The following CADPS variants were observed in gnomAD, a reference collection of about 807,000 sequenced individuals.
CADPS encodes calcium-dependent secretion activator 1.
In CADPS, 57 loss-of-function variants were observed where a neutral mutation model predicts 167.3. That is an observed-to-expected ratio of 0.34 (90% CI 0.28 to 0.42). The LOEUF is 0.42. Ranked by LOEUF, CADPS falls within the 20% of genes least tolerant of loss-of-function variation. CADPS has a pLI of 1.00. For missense variants in CADPS, 1,414 were observed against 1,738.1 expected, an observed-to-expected ratio of 0.81 and a Z score of 3.32; for synonymous variants, 676 against 635.3, an observed-to-expected ratio of 1.06 and a Z score of -0.96.
At position 62,446,369 on chromosome 3, in the gene CADPS, T is replaced by C. The variant is rs902727335; in HGVS notation, c.3637-572A>G. Reference sequence around the variant, plus strand: ...GCTTTTACGTGCTAAAAATTCCAGATGGGAAGTGCAGGAAGTGGTTATAAA... The same window carrying C: ...GCTTTTACGTGCTAAAAATTCCAGACGGGAAGTGCAGGAAGTGGTTATAAA... On this transcript the variant is annotated intron_variant, in intron 26 of 29. Coordinates refer to ENST00000383710, the MANE Select transcript of CADPS (RefSeq NM_003716.4). This position sits in a 1 kb window ranked among gnomAD's most constrained non-coding sequence, Gnocchi z 4.9. 1.3e-5 allele frequency among the ~76,000 whole-genome samples: 2 copies of C among 152,028 alleles called. No individual in the cohort carries two copies. The highest frequency in any genetic ancestry group is 4.8e-5 in the African/African-American group (2 of 41,404).
At position 62,874,128 on chromosome 3, in the gene CADPS, C is replaced by A. The variant is rs1283090470; in HGVS notation, c.441+461G>T. Among the ~76,000 whole-genome samples, 1 of 152,202 alleles carries A rather than the reference C, an allele frequency of 6.6e-6. No homozygotes were observed. The highest frequency in any genetic ancestry group is 6.5e-5 in the Admixed American group (1 of 15,290). On this transcript the variant is annotated intron_variant, in intron 1 of 29. Transcript: ENST00000383710. The surrounding 1 kb of genome is among the most constrained non-coding windows in gnomAD (Gnocchi z 7.1). ...ACGCTCTTCTCCCTCCACCTCGGCGCCCCCACCTGCCGTTGCCCCCGCCCG... is the reference window on the plus strand; with the variant it reads ...ACGCTCTTCTCCCTCCACCTCGGCGACCCCACCTGCCGTTGCCCCCGCCCG...
Position 62,550,105 on chromosome 3 carries a change from A to G in CADPS, c.1764T>C (p.Gly588=), listed in dbSNP as rs1017095921. 6.2e-7 allele frequency: 1 copy of G among 1,613,746 alleles called. No individual in the cohort carries two copies. The highest frequency in any genetic ancestry group is 8.5e-7 in the Non-Finnish European group (1 of 1,179,694). ...TGACAGCATTGAAGAAGGCTCGGCCACCCTCCAAACCTGGAAGAAAAGGGA... is the reference window on the plus strand; with the variant it reads ...TGACAGCATTGAAGAAGGCTCGGCCGCCCTCCAAACCTGGAAGAAAAGGGA... ...DYTDPQPGLE[G]GRAFFNAVKE... Residue 588 remains glycine (G), a synonymous_variant, in exon 11 of 30, where the codon GGT becomes GGC. Coordinates refer to ENST00000383710, the MANE Select transcript of CADPS (RefSeq NM_003716.4).
intron 13 of CADPS, among the ~76,000 whole-genome samples, chr3:62,528,436 G>A (rs1288310572): frequency 6.6e-6 from 1 of 152,150 alleles, no homozygotes; most frequent in Non-Finnish European, 1.5e-5. Flanking sequence ...AATATAGCAA[G>A]TAATTATTAA....
At chr3:62,500,197 C>T (rs1217373378) in intron 17 of CADPS, 4 of 151,954 alleles carry the variant, frequency 2.6e-5, no homozygotes, top group Non-Finnish European at 1.5e-5. Flanking sequence ...ATTCTGTTGC[C>T]CAGGCTGGAG....
intron 3 of CADPS, among the ~76,000 whole-genome samples, chr3:62,735,154 A>T (rs2078737250): frequency 6.6e-6 from 1 of 152,170 alleles, no homozygotes. Context: ...TCATATTGAG[A>T]TATCACCCAG....
At position 62,874,379 on chromosome 3, in the gene CADPS, T is replaced by C. The variant is rs967923648; in HGVS notation, c.441+210A>G. 5.3e-5 allele frequency among the ~76,000 whole-genome samples: 8 copies of C among 152,030 alleles called. No individual in the cohort carries two copies. The East Asian group carries it at 1.4e-3, about 26-fold the overall frequency. On this transcript the variant is annotated intron_variant, in intron 1 of 29. Coordinates refer to ENST00000383710, the MANE Select transcript of CADPS (RefSeq NM_003716.4). The surrounding 1 kb of genome is among the most constrained non-coding windows in gnomAD (Gnocchi z 7.1). Reference sequence around the variant, plus strand: ...CGCTGCGCTCCGCGGCCCTCGCCGGTCCCAGTCAGCTCCAGGAGCGCTCCA... The same window carrying C: ...CGCTGCGCTCCGCGGCCCTCGCCGGCCCCAGTCAGCTCCAGGAGCGCTCCA...
chr3:62,584,590 T>G (rs1031059892), intron 8 of CADPS, among the ~76,000 whole-genome samples: 5 of 152,214 alleles, frequency 3.3e-5, no homozygotes, highest in Non-Finnish European at 7.3e-5. Flanking sequence ...CCAACAAACA[T>G]TTGCTAGAAA....
chr3:62,840,597 GT>G (rs2076516250), intron 1 of CADPS, among the ~76,000 whole-genome samples: 1 of 152,126 alleles, frequency 6.6e-6, no homozygotes, highest in Admixed American at 6.5e-5. Context: ...AAGTGTGTGT[GT>G]TTGGGCTTAA....
chr3:62,608,747 G>A (rs2061055199), intron 6 of CADPS, among the ~76,000 whole-genome samples: 2 of 151,996 alleles, frequency 1.3e-5, no homozygotes, highest in African/African-American at 4.8e-5. Flanking sequence ...GGCCCCACAG[G>A]CCAAATGTCT....
At chr3:62,849,202 A>T (rs1291244871) in intron 1 of CADPS, among the ~76,000 whole-genome samples, 16 of 149,344 alleles carry the variant, frequency 1.1e-4, no homozygotes, top group South Asian at 2.2e-4. Flanking sequence ...TTTCTAGATA[A>T]ACAATCATGT....
intron 3 of CADPS, among the ~76,000 whole-genome samples, chr3:62,706,920 A>T (rs776122548): frequency 5.3e-5 from 8 of 152,156 alleles, no homozygotes; most frequent in Non-Finnish European, 1.0e-4. Context: ...AAATGGCTAC[A>T]CTAAAAGCCC....
intron 26 of CADPS, among the ~76,000 whole-genome samples, chr3:62,462,781 C>G (rs1351037913): frequency 6.6e-6 from 1 of 152,178 alleles, no homozygotes; most frequent in African/African-American, 2.4e-5. Context: ...TACTTCCACT[C>G]CACTCCTGGG....
intron 17 of CADPS, among the ~76,000 whole-genome samples, chr3:62,507,480 G>C (rs1252429653): frequency 6.6e-6 from 1 of 151,206 alleles, no homozygotes; most frequent in Non-Finnish European, 1.5e-5. Flanking sequence ...ACACTCCCCT[G>C]GTGTCTGGCA....
intron 3 of CADPS, among the ~76,000 whole-genome samples, chr3:62,715,908 G>T (rs1311581681): frequency 1.3e-5 from 2 of 150,426 alleles, no homozygotes; most frequent in African/African-American, 2.4e-5. Context: ...ACCACACCTG[G>T]CTAATTTTTT....
chr3:62,418,914 G>A (rs1274349889), intron 28 of CADPS, among the ~76,000 whole-genome samples: 2 of 152,070 alleles, frequency 1.3e-5, no homozygotes, highest in African/African-American at 2.4e-5. Flanking sequence ...AAATAAAAAT[G>A]TAACCAATGG....
intron 26 of CADPS, among the ~76,000 whole-genome samples, chr3:62,460,363 G>A (rs922177560): frequency 1.3e-5 from 2 of 152,140 alleles, no homozygotes; most frequent in Non-Finnish European, 2.9e-5. Context: ...CATGTATTTG[G>A]CAGTGAATAA....
chr3:62,866,682 C>A (rs1304268480), intron 1 of CADPS, among the ~76,000 whole-genome samples: 2 of 151,970 alleles, frequency 1.3e-5, no homozygotes, highest in Non-Finnish European at 2.9e-5. Flanking sequence ...ACAGTATGAG[C>A]AAAGATATTG....
intron 24 of CADPS, among the ~76,000 whole-genome samples, chr3:62,468,626 T>C (rs2060216129): frequency 1.3e-5 from 2 of 152,186 alleles, no homozygotes; most frequent in South Asian, 2.1e-4. Context: ...TATGGAAATA[T>C]GATGATTTAT....
chr3:62,728,072 G>C (rs2077068659), intron 3 of CADPS, among the ~76,000 whole-genome samples: 1 of 151,726 alleles, frequency 6.6e-6, no homozygotes, highest in South Asian at 2.1e-4. Flanking sequence ...TTTTCAAGTG[G>C]GGAAATTGAG....
Sources: allele counts gnomAD v4.1 joint callset (sites outside exome capture counted in the v4.1 genomes callset), GRCh38; gene constraint gnomAD v4.1.1; non-coding constraint Gnocchi (gnomAD v3.1); transcripts MANE v1.5; gene names NCBI Gene and HGNC (gene_info 2026-07-23, HGNC 2026-07-21).